Variants in TENM3 observed in about 807,000 individuals in gnomAD.
The protein encoded by TENM3 is teneurin-3.
TENM3 carries 63 observed loss-of-function variants against 255.1 expected under a neutral mutation model. The observed-to-expected ratio is 0.25, with a 90% CI of 0.20 to 0.30. The LOEUF (loss-of-function observed/expected upper bound fraction) is 0.30, where lower values mean the gene tolerates loss of function less well. TENM3 is among the 10% of genes least tolerant of loss of function. TENM3 has a pLI of 1.00. For missense variants in TENM3, 2,929 were observed against 3,461.1 expected (o/e 0.85, Z 3.86); for synonymous variants, 1,306 against 1,322.3 (o/e 0.99, Z 0.27).
At chr4:182,033,318 A>G in the TENM3 span, among the ~76,000 whole-genome samples, 1 of 152,316 alleles carries the variant, frequency 6.6e-6, no homozygotes, top group East Asian at 1.9e-4. Context: ...GCCATTCAGG[A>G]GCAAGTTGTT....
the TENM3 span, among the ~76,000 whole-genome samples, chr4:181,958,435 T>A: frequency 6.6e-6 from 1 of 152,198 alleles, no homozygotes; most frequent in African/African-American, 2.4e-5. Context: ...AATGCAAATA[T>A]CCTAAATTAG....
intron 1 of TENM3, among the ~76,000 whole-genome samples, chr4:182,200,983 C>T (rs1038224649): frequency 2.0e-5 from 3 of 152,030 alleles, no homozygotes; most frequent in Non-Finnish European, 2.9e-5. Flanking sequence ...CACCACCACG[C>T]CCAGCTAATT....
the TENM3 span, among the ~76,000 whole-genome samples, chr4:181,555,477 T>A: frequency 6.6e-6 from 1 of 152,166 alleles, no homozygotes; most frequent in Non-Finnish European, 1.5e-5. Context: ...GAAATCCAAT[T>A]TAAATAACTC....
intron 3 of TENM3, among the ~76,000 whole-genome samples, chr4:182,456,787 A>G (rs1253855381): frequency 2.6e-5 from 4 of 152,194 alleles, no homozygotes; most frequent in Non-Finnish European, 5.9e-5. Context: ...GGACTGACAA[A>G]TGTTTTGCCG....
chr4:181,994,791 C>T, the TENM3 span, among the ~76,000 whole-genome samples: 12 of 151,884 alleles, frequency 7.9e-5, no homozygotes, highest in South Asian at 2.1e-4. Flanking sequence ...GTTTAGCTAA[C>T]GAAAAACAGA....
intron 2 of TENM3, among the ~76,000 whole-genome samples, chr4:182,338,642 G>A (rs551636746): frequency 6.6e-6 from 1 of 152,226 alleles, no homozygotes; most frequent in East Asian, 1.9e-4. Context: ...AATGTCACTG[G>A]TAGCATTGGA....
At chr4:181,556,150 G>A in the TENM3 span, among the ~76,000 whole-genome samples, 2 of 152,086 alleles carry the variant, frequency 1.3e-5, no homozygotes, top group Non-Finnish European at 2.9e-5. Flanking sequence ...CCAACAAGTT[G>A]GTTGGTAATA....
intron 3 of TENM3, among the ~76,000 whole-genome samples, chr4:182,528,594 A>G (rs186312017): frequency 1.3e-5 from 2 of 152,266 alleles, no homozygotes; most frequent in Non-Finnish European, 2.9e-5. Context: ...TTCATGCAAA[A>G]ATGCTTCTTT....
At chr4:182,507,532 A>G (rs890545436) in intron 3 of TENM3, among the ~76,000 whole-genome samples, 1 of 152,180 alleles carries the variant, frequency 6.6e-6, no homozygotes, top group Non-Finnish European at 1.5e-5. Context: ...ATCAGTGTGA[A>G]AGCATTGGAT....
At chr4:181,616,116 GT>G in the TENM3 span, among the ~76,000 whole-genome samples, 2 of 151,786 alleles carry the variant, frequency 1.3e-5, no homozygotes, top group Non-Finnish European at 2.9e-5. Flanking sequence ...GAGACAATTT[GT>G]TTCCAACTTG....
chr4:182,139,875 T>C (rs1459159066), upstream of TENM3, among the ~76,000 whole-genome samples: 1 of 152,192 alleles, frequency 6.6e-6, no homozygotes, highest in Admixed American at 6.5e-5. Context: ...TGGAGAAGCA[T>C]GGTCCCAATT....
At chr4:182,467,568 G>A (rs1235729696) in intron 3 of TENM3, among the ~76,000 whole-genome samples, 2 of 152,120 alleles carry the variant, frequency 1.3e-5, no homozygotes, top group Admixed American at 6.5e-5. Context: ...ATGTTCCCGA[G>A]GAATGATGCA....
At chr4:182,329,537 G>A (rs1763625714) in intron 2 of TENM3, among the ~76,000 whole-genome samples, 1 of 152,114 alleles carries the variant, frequency 6.6e-6, no homozygotes, top group Admixed American at 6.6e-5. Context: ...AAATTTAATG[G>A]CACCCAGAAT....
chr4:182,156,987 T>C (rs188780516), intron 1 of TENM3, among the ~76,000 whole-genome samples: 2 of 152,244 alleles, frequency 1.3e-5, no homozygotes. Context: ...GGAGAGGTAA[T>C]AGAAGGATTA....
chr4:182,447,766 G>A (rs566447069), intron 3 of TENM3, among the ~76,000 whole-genome samples: 12 of 152,276 alleles, frequency 7.9e-5, no homozygotes, highest in Non-Finnish European at 1.8e-4. Flanking sequence ...ATAAAAATGA[G>A]AGGTTTGGAG....
chr4:181,888,588 A>ATGTGTGTGTGTGTGTG, the TENM3 span, among the ~76,000 whole-genome samples: 11 of 16,032 alleles, frequency 6.9e-4, no homozygotes, highest in African/African-American at 1.7e-3. Flanking sequence ...ACATATATAT[A>ATGTGTGTGTGTGTGTG]TGCGTGTGTG....
At chr4:182,074,298 C>T in the TENM3 span, among the ~76,000 whole-genome samples, 8 of 152,158 alleles carry the variant, frequency 5.3e-5, no homozygotes, top group African/African-American at 1.7e-4. Context: ...CAGCAGGAAG[C>T]AGTGTCCCAG....
intron 1 of TENM3, among the ~76,000 whole-genome samples, chr4:182,189,174 G>T (rs1753352094): frequency 6.6e-6 from 1 of 151,612 alleles, no homozygotes; most frequent in African/African-American, 2.4e-5. Context: ...TTTTTCACTT[G>T]ATAAAGTGTA....
the TENM3 span, among the ~76,000 whole-genome samples, chr4:181,612,371 T>C: frequency 2.6e-5 from 4 of 152,220 alleles, no homozygotes; most frequent in African/African-American, 9.6e-5. Context: ...CCTCATGGTA[T>C]TGTTTCAGCC....
Sources: allele counts gnomAD v4.1 joint callset (sites outside exome capture counted in the v4.1 genomes callset), GRCh38; gene constraint gnomAD v4.1.1; transcripts MANE v1.5; gene names NCBI Gene and HGNC (gene_info 2026-07-23, HGNC 2026-07-21).